The following PACC1 variants were observed in gnomAD, a reference collection of about 807,000 sequenced individuals.
The protein encoded by PACC1 is proton activated chloride channel 1.
Under a neutral mutation model 39.7 loss-of-function variants are expected in PACC1, and 34 were observed. That is an observed-to-expected ratio of 0.86 (90% CI 0.65 to 1.14). The LOEUF (loss-of-function observed/expected upper bound fraction) is 1.14. Ranked by LOEUF, PACC1 falls within the 50% of genes most tolerant of loss-of-function variation. PACC1 has a pLI of 0.00. For missense variants in PACC1, 379 were observed against 436.4 expected (o/e 0.87, Z 1.17); for synonymous variants, 127 against 160.6 (o/e 0.79, Z 1.58).
chr1:212,396,614 G>T (rs1661528252), intron 2 of PACC1, among the ~76,000 whole-genome samples: 1 of 124,890 alleles, frequency 8.0e-6, no homozygotes, highest in Non-Finnish European at 1.7e-5. Flanking sequence ...TGAAAAAAAA[G>T]AAATCTGAAA....
At chr1:212,393,869 C>T (rs1430293112) in intron 2 of PACC1, among the ~76,000 whole-genome samples, 2 of 152,040 alleles carry the variant, frequency 1.3e-5, no homozygotes, top group Non-Finnish European at 2.9e-5. Flanking sequence ...CACATACACC[C>T]TCCCAAGACT....
intron 7 of PACC1, among the ~76,000 whole-genome samples, chr1:212,369,341 G>A (rs947616900): frequency 2.6e-5 from 4 of 152,156 alleles, no homozygotes; most frequent in Non-Finnish European, 4.4e-5. Context: ...CGAAATAGCC[G>A]TAGTAAGTCC....
intron 1 of PACC1, among the ~76,000 whole-genome samples, chr1:212,411,024 G>A (rs1005173663): frequency 6.6e-6 from 1 of 152,164 alleles, no homozygotes; most frequent in East Asian, 1.9e-4. Flanking sequence ...TGTTGGATTA[G>A]GGGCCCACCC....
Position 212,414,714 on chromosome 1 carries a change from C to T in PACC1, c.36+8G>A. On this transcript the variant is annotated splice_region_variant and intron_variant, in intron 1 of 7. Transcript: ENST00000261455. ...CAAACTTCCCTTCCGTCTCTCACAACCTCGTACCTCCTGGTAGGATGTGGA... is the reference window on the plus strand; with the variant it reads ...CAAACTTCCCTTCCGTCTCTCACAATCTCGTACCTCCTGGTAGGATGTGGA... 1.2e-6 allele frequency: 2 copies of T among 1,613,512 alleles called. No homozygotes were observed. The highest frequency in any genetic ancestry group is 2.2e-5 in the South Asian group (2 of 91,088).
chr1:212,390,075 T>G (rs974676009), intron 2 of PACC1, among the ~76,000 whole-genome samples: 1 of 151,342 alleles, frequency 6.6e-6, no homozygotes, highest in Non-Finnish European at 1.5e-5. Flanking sequence ...CGGAAAATTG[T>G]TACAGTATCT....
chr1:212,402,882 G>A (rs1014050247), intron 2 of PACC1, among the ~76,000 whole-genome samples: 2 of 152,118 alleles, frequency 1.3e-5, no homozygotes, highest in Non-Finnish European at 2.9e-5. Flanking sequence ...TCAAAATCCT[G>A]ACCTTAGGTG....
At chr1:212,387,354 AAAAAGAT>A (rs1477699042) in intron 2 of PACC1, among the ~76,000 whole-genome samples, 7 of 152,262 alleles carry the variant, frequency 4.6e-5, no homozygotes, top group Non-Finnish European at 8.8e-5. Flanking sequence ...TCTCAAAAGA[AAAAAGAT>A]AAAAGATAAA....
intron 7 of PACC1, among the ~76,000 whole-genome samples, chr1:212,374,489 A>C (rs1660577069): frequency 6.6e-6 from 1 of 152,154 alleles, no homozygotes; most frequent in Admixed American, 6.6e-5. Context: ...TGACATGATA[A>C]TACAGTAGAG....
intron 2 of PACC1, among the ~76,000 whole-genome samples, chr1:212,391,013 G>T (rs1335018311): frequency 6.6e-6 from 1 of 152,256 alleles, no homozygotes; most frequent in Admixed American, 6.5e-5. Context: ...CCACCTCTGG[G>T]GGCAGGGCAT....
intron 4 of PACC1, among the ~76,000 whole-genome samples, chr1:212,383,024 A>G (rs537360573): frequency 1.3e-5 from 2 of 152,202 alleles, no homozygotes; most frequent in East Asian, 1.9e-4. Context: ...TGGGAGCTCT[A>G]CTGCTCTCAT....
intron 5 of PACC1, among the ~76,000 whole-genome samples, chr1:212,377,984 C>T (rs1347851644): frequency 6.6e-6 from 1 of 152,160 alleles, no homozygotes; most frequent in Non-Finnish European, 1.5e-5. Flanking sequence ...AGAAATCTTC[C>T]TCCCTCCTCC....
Position 212,379,907 on chromosome 1 carries a change from T to C in PACC1, c.626A>G (p.Glu209Gly). Residue 209 changes from glutamate (E) to glycine (G), a missense_variant, in exon 5 of 8, where the codon GAG becomes GGG. Transcript: ENST00000261455. Reference sequence around the variant, plus strand: ...TCTAAAAGCCCACCTTTGCAGGAACTCCTGGAAAGAAGAGAAGAGGAGGTA... The same window carrying C: ...TCTAAAAGCCCACCTTTGCAGGAACCCCTGGAAAGAAGAGAAGAGGAGGTA... ...IDYLLFSSFQEFLQSPNRVGF... is the reference protein window; with the variant it reads ...IDYLLFSSFQGFLQSPNRVGF... 1 of 1,614,134 alleles carries C rather than the reference T, an allele frequency of 6.2e-7. No homozygotes were observed. Among genetic ancestry groups the C allele is most frequent in the Non-Finnish European group, 8.5e-7 (1 of 1,180,018 alleles).
At chr1:212,378,480 T>C (rs535675164) in intron 5 of PACC1, among the ~76,000 whole-genome samples, 3 of 152,308 alleles carry the variant, frequency 2.0e-5, no homozygotes, top group African/African-American at 7.2e-5. Flanking sequence ...GCTCGCTGCA[T>C]GTCCAGCTGG....
chr1:212,412,077 G>C (rs1431246828), intron 1 of PACC1, among the ~76,000 whole-genome samples: 1 of 151,898 alleles, frequency 6.6e-6, no homozygotes, highest in South Asian at 2.1e-4. Flanking sequence ...GGAGGCGGAG[G>C]TTGTAGTGAG....
chr1:212,369,825 A>G (rs991648588), intron 7 of PACC1, among the ~76,000 whole-genome samples: 1 of 151,764 alleles, frequency 6.6e-6, no homozygotes, highest in African/African-American at 2.4e-5. Context: ...AAGACATCCC[A>G]CACAAATGTA....
chr1:212,368,740 T>C (rs929703784), intron 7 of PACC1, among the ~76,000 whole-genome samples: 1 of 150,402 alleles, frequency 6.6e-6, no homozygotes, highest in Non-Finnish European at 1.5e-5. Flanking sequence ...AAATCAAGAG[T>C]CAATGGCCTT....
intron 2 of PACC1, among the ~76,000 whole-genome samples, chr1:212,394,094 A>G (rs1661427007): frequency 6.6e-6 from 1 of 152,218 alleles, no homozygotes. Context: ...TTATGAGGCC[A>G]GCATCATCCT....
At chr1:212,367,628 T>C (rs1313119534) in intron 7 of PACC1, among the ~76,000 whole-genome samples, 3 of 152,076 alleles carry the variant, frequency 2.0e-5, no homozygotes, top group Non-Finnish European at 4.4e-5. Flanking sequence ...TCTGGGAGTC[T>C]GTGGGTTTGG....
chr1:212,395,215 C>A (rs1435431328), intron 2 of PACC1, among the ~76,000 whole-genome samples: 1 of 152,170 alleles, frequency 6.6e-6, no homozygotes. Context: ...ACCAAAACAG[C>A]ATGGTACTGG....
Sources: allele counts gnomAD v4.1 joint callset (sites outside exome capture counted in the v4.1 genomes callset), GRCh38; gene constraint gnomAD v4.1.1; transcripts MANE v1.5; gene names NCBI Gene and HGNC (gene_info 2026-07-23, HGNC 2026-07-21).